Variants in ECE2 observed in about 807,000 individuals in gnomAD.
ECE2 encodes endothelin converting enzyme 2.
Under a neutral mutation model 100.6 loss-of-function variants are expected in ECE2, and 81 were observed. The ratio of observed to expected loss-of-function variants is 0.81; its 90% CI spans 0.67 to 0.97. ECE2 has a LOEUF of 0.97. Ranked by LOEUF, ECE2 falls within the 50% of genes least tolerant of loss-of-function variation. ECE2 has a pLI of 0.00. For synonymous variants in ECE2, 391 were observed against 391.5 expected (o/e 1.00, Z 0.02); for missense variants, 911 against 988.1 (o/e 0.92, Z 1.05).
At position 184,276,879 on chromosome 3, in the gene ECE2, CT is replaced by C. The variant is rs1469135714; in HGVS notation, c.127-12del. On this transcript the variant is annotated splice_polypyrimidine_tract_variant and intron_variant, in intron 2 of 18. Transcript: ENST00000404464. Reference sequence around the variant, plus strand: ...TGCATCTCAGTCACTCTCTGTCCCCCTGTGTTCCCCAGGTGGGATTCCAGAA... The same window carrying C: ...TGCATCTCAGTCACTCTCTGTCCCCCGTGTTCCCCAGGTGGGATTCCAGAA... The C allele has an allele frequency of 6.2e-7, 1 of 1,613,718 alleles. No homozygotes were observed. The highest frequency in any genetic ancestry group is 1.3e-5 in the African/African-American group (1 of 74,946).
At position 184,277,786 on chromosome 3, in the gene ECE2, C is replaced by T. The variant is rs576455680; in HGVS notation, c.479-139C>T. 1.7e-5 allele frequency: 23 copies of T among 1,358,452 alleles called. 1 individual carries two copies. The South Asian group carries it at 3.2e-4, about 19-fold the overall frequency. The allele number at this position is 1,358,452 out of a possible 1,614,324, so 84.1% of individuals were successfully genotyped here. ...GACAGGGAGAGGAAGCCACGGCTTGCTGTTTCAGACACTCTTCCTGGGTCT... is the reference window on the plus strand; with the variant it reads ...GACAGGGAGAGGAAGCCACGGCTTGTTGTTTCAGACACTCTTCCTGGGTCT... On this transcript the variant is annotated intron_variant, in intron 4 of 18. Coordinates refer to ENST00000404464, the MANE Select transcript of ECE2 (RefSeq NM_001100121.2).
In ECE2 at chr3:184,287,950, G is replaced by A. The variant is rs1428694075; in HGVS notation, c.1374+3G>A. 1 of 1,613,102 alleles carries A rather than the reference G, an allele frequency of 6.2e-7. No individual in the cohort carries two copies. On this transcript the variant is annotated splice_donor_region_variant and intron_variant, in intron 11 of 18. Coordinates refer to ENST00000404464, the MANE Select transcript of ECE2 (RefSeq NM_001100121.2). ...TTGACCGGCAAAGCAAAGAAATTGTGAGTCTACAAGATTCTTTCAACACTA... is the reference window on the plus strand; with the variant it reads ...TTGACCGGCAAAGCAAAGAAATTGTAAGTCTACAAGATTCTTTCAACACTA...
In ECE2 at chr3:184,285,023, T is replaced by A; in HGVS notation, c.1066T>A (p.Leu356Met). Residue 356 changes from leucine (L) to methionine (M), a missense_variant, in exon 9 of 19, where the codon TTG (leucine) becomes ATG (methionine). By Grantham distance (15) the Leu-to-Met change is conservative. Transcript: ENST00000404464. ...GTCTTTCTTGCTGTCACCATTGGAGTTGAGTGACTCTGAGCCTGTGGTGGT... is the reference window on the plus strand; with the variant it reads ...GTCTTTCTTGCTGTCACCATTGGAGATGAGTGACTCTGAGCCTGTGGTGGT... ...FLSFLLSPLELSDSEPVVVYG... is the reference protein window; with the variant it reads ...FLSFLLSPLEMSDSEPVVVYG... The A allele has an allele frequency of 6.2e-7, 1 of 1,613,958 alleles. No homozygotes were observed. The highest frequency in any genetic ancestry group is 8.5e-7 in the Non-Finnish European group (1 of 1,179,978).
Position 184,283,924 on chromosome 3 carries a change from G to A in ECE2, c.956G>A (p.Arg319Gln), listed in dbSNP as rs1279870059. ...AACATCACAGTGCCCCAGGACCAGC[G>A]GCGCGACGAGGAGAAGATCTACCAC... ...LANITVPQDQRRDEEKIYHKM... is the reference protein window; with the variant it reads ...LANITVPQDQQRDEEKIYHKM... Residue 319 changes from arginine (R) to glutamine (Q), a missense_variant, in exon 8 of 19, where the codon CGG becomes CAG. Physicochemically the swap from Arg to Gln is conservative, Grantham distance 43 (BLOSUM62 1). Coordinates refer to ENST00000404464, the MANE Select transcript of ECE2 (RefSeq NM_001100121.2). 4.3e-6 allele frequency: 7 copies of A among 1,613,920 alleles called. No individual in the cohort carries two copies. In the East Asian group the frequency reaches 6.7e-5, roughly 15 times the overall value.
intron 8 of ECE2, 111 bp from the exon 9 acceptor site, chr3:184,284,852 A>AGTAGTTGTT (rs1720963678): frequency 3.6e-6 from 5 of 1,401,230 alleles, no homozygotes; most frequent in Non-Finnish European, 4.8e-6. Context: ...CCATGAAGCC[A>AGTAGTTGTT]GTAGTTGTTG....
At position 184,278,821 on chromosome 3, in the gene ECE2, TAA is replaced by T; in HGVS notation, c.816+265_816+266del. On this transcript the variant is annotated intron_variant, in intron 7 of 18. Coordinates refer to ENST00000404464, the MANE Select transcript of ECE2 (RefSeq NM_001100121.2). ...GGTCCAGTGGGGGAATTCTGAGATA[TAA>T]GTTTCCGAGCCATTGCCACAGGAAG... The T allele has an allele frequency of 1.2e-5, 6 of 518,902 alleles. No individual in the cohort carries two copies. The South Asian group carries it at 1.2e-4, about 11-fold the overall frequency. The allele number at this position is 518,902 out of a possible 1,614,324, so 32.1% of individuals were successfully genotyped here. A position where few individuals can be genotyped will look rare whatever the true frequency, so the allele number is the denominator to read the frequency against.
Position 184,290,577 on chromosome 3 carries a change from C to G in ECE2, c.1676C>G (p.Thr559Arg). 1.2e-6 allele frequency: 2 copies of G among 1,614,156 alleles called. No homozygotes were observed. Among genetic ancestry groups the G allele is most frequent in the Non-Finnish European group, 1.7e-6 (2 of 1,179,996 alleles). ...GCCAGGTGGAGCATGACCCCCCAGACAGTGAATGCCTACTACCTTCCAACT... is the reference window on the plus strand; with the variant it reads ...GCCAGGTGGAGCATGACCCCCCAGAGAGTGAATGCCTACTACCTTCCAACT... ...SRDQWSMTPQTVNAYYLPTKN... is the reference protein window; with the variant it reads ...SRDQWSMTPQRVNAYYLPTKN... Residue 559 changes from threonine to arginine, a missense_variant, in exon 15 of 19, where the codon ACA (threonine) becomes AGA (arginine). Transcript: ENST00000404464.
chr3:184,277,319 G>C lies in ECE2; in HGVS notation c.331G>C (p.Asp111His). ...GGCTGGAAAAATCCTGGAGTCCCTG[G>C]ACCGAGGGGTGAGCCCCTGTGAGGA... ...RVAGKILESLDRGVSPCEDFY... is the reference protein window; with the variant it reads ...RVAGKILESLHRGVSPCEDFY... The change falls in exon 4 of 19, where the codon GAC becomes CAC. Residue 111 changes from aspartate (D) to histidine (H), a missense_variant. Transcript: ENST00000404464. The C allele has an allele frequency of 6.2e-7, 1 of 1,614,244 alleles. No homozygotes were observed.
intron 5 of ECE2, 32 bp downstream of exon 5, chr3:184,278,081 A>G: frequency 2.5e-6 from 4 of 1,613,650 alleles, no homozygotes; most frequent in Non-Finnish European, 2.5e-6. Flanking sequence ...AGGGCAGGGG[A>G]GCAGGAGAGG....
At chr3:184,286,815 A>AT (rs1721078646) in intron 10 of ECE2, among the ~76,000 whole-genome samples, 1 of 148,646 alleles carries the variant, frequency 6.7e-6, no homozygotes, top group Admixed American at 6.7e-5. Flanking sequence ...AAAAAAAAAA[A>AT]GGCAATTGCA....
At chr3:184,279,670 A>G (rs896511848) in intron 7 of ECE2, among the ~76,000 whole-genome samples, 6 of 151,496 alleles carry the variant, frequency 4.0e-5, no homozygotes, top group Non-Finnish European at 7.4e-5. Flanking sequence ...AAAAAAAAAA[A>G]AAGTGTTGAC....
At chr3:184,279,411 T>C (rs1307492179) in intron 7 of ECE2, among the ~76,000 whole-genome samples, 1 of 151,574 alleles carries the variant, frequency 6.6e-6, no homozygotes, top group African/African-American at 2.4e-5. Context: ...ATCCCCGCAC[T>C]TTGGGAGGCT....
chr3:184,288,091 A>G, intron 11 of ECE2, 144 bp downstream of exon 11: 1 of 661,342 alleles, frequency 1.5e-6, no homozygotes, highest in South Asian at 1.8e-5. Context: ...CGGGTGAATC[A>G]TGGGGTCAGG....
In ECE2 at chr3:184,289,797, A is replaced by ACCCTCTGCCCGGCCAGCT; in HGVS notation, c.1551+79_1551+80insCCCTCTGCCCGGCCAGCT. 7.7e-7 allele frequency: 1 copy of ACCCTCTGCCCGGCCAGCT among 1,298,018 alleles called. No homozygotes were observed. 80.4% of individuals were successfully genotyped at this position (1,298,018 alleles called of 1,614,324 possible). On this transcript the variant is annotated intron_variant, in intron 13 of 18. Coordinates refer to ENST00000404464, the MANE Select transcript of ECE2 (RefSeq NM_001100121.2). This position sits in a 1 kb window ranked among gnomAD's most constrained non-coding sequence, Gnocchi z 4.1. ...CCCTGGGCTTAGAAATTGGGGCTCA[A>ACCCTCTGCCCGGCCAGCT]GCACTGGGAAAGAGGTGCTTGTCGG...
Position 184,276,107 on chromosome 3 carries a change from G to GGGCCAGCTGCCGGGAGCC in ECE2, c.-46_-29dup. 1 of 1,274,354 alleles carries GGGCCAGCTGCCGGGAGCC rather than the reference G, an allele frequency of 7.8e-7. No homozygotes were observed. Among genetic ancestry groups the GGGCCAGCTGCCGGGAGCC allele is most frequent in the East Asian group, 3.1e-5 (1 of 31,800 alleles). 78.9% of individuals were successfully genotyped at this position (1,274,354 alleles called of 1,614,324 possible). The stretch of plus-strand genomic sequence containing the variant: ...GGGACCGGGGCCGCGGCCCGGGAGC[G>GGGCCAGCTGCCGGGAGCC]GGCCAGCTGCCGGGAGCCCTGAATC... On this transcript the variant is annotated 5_prime_UTR_variant, in exon 1 of 19. Transcript: ENST00000404464.
intron 4 of ECE2, 128 bp from the exon 5 acceptor site, chr3:184,277,797 A>C: frequency 7.0e-7 from 1 of 1,425,942 alleles, no homozygotes; most frequent in South Asian, 1.4e-5. Flanking sequence ...TGTTTCAGAC[A>C]CTCTTCCTGG....
chr3:184,292,073 G>T lies in ECE2; in HGVS notation c.2133G>T (p.Ser711=). 6.2e-7 allele frequency: 1 copy of T among 1,613,214 alleles called. No homozygotes were observed. The highest frequency in any genetic ancestry group is 8.5e-7 in the Non-Finnish European group (1 of 1,179,536). ...FFVGFAQVWC[S]VRTPESSHEG... ...GTCCTGGCCCGCAGGTGTGGTGCTC[G>T]GTCCGCACACCAGAGAGCTCTCACG... The change falls in exon 19 of 19, where the codon TCG becomes TCT. Residue 711 remains serine, a synonymous_variant. Transcript: ENST00000404464.
In ECE2 at chr3:184,289,956, C is replaced by A. The variant is rs1721235094; in HGVS notation, c.1551+238C>A. Among the ~76,000 whole-genome samples the A allele has an allele frequency of 6.6e-6, 1 of 152,192 alleles. No homozygotes were observed. Among genetic ancestry groups the A allele is most frequent in the Admixed American group, 6.5e-5 (1 of 15,274 alleles). ...AGTCAAGCCTAATCAAATTCTGTTT[C>A]TACCTCTAACTTTGTAACCTTAACA... is the stretch of plus-strand genomic sequence containing the variant. On this transcript the variant is annotated intron_variant, in intron 13 of 18. Transcript: ENST00000404464. This position sits in a 1 kb window ranked among gnomAD's most constrained non-coding sequence, Gnocchi z 4.1.
At chr3:184,283,679 G>A in intron 7 of ECE2, 106 bp from the exon 8 acceptor site, 15 of 1,200,416 alleles carry the variant, frequency 1.2e-5, no homozygotes, top group Non-Finnish European at 1.7e-5. Flanking sequence ...AAGGCTTCCA[G>A]AAGGATCAAG....
Sources: allele counts gnomAD v4.1 joint callset (sites outside exome capture counted in the v4.1 genomes callset), GRCh38; gene constraint gnomAD v4.1.1; non-coding constraint Gnocchi (gnomAD v3.1); transcripts MANE v1.5; gene names NCBI Gene and HGNC (gene_info 2026-07-23, HGNC 2026-07-21).